Variants in SYT9 observed in about 807,000 individuals in gnomAD.
The protein encoded by SYT9 is synaptotagmin-9.
SYT9 carries 22 observed loss-of-function variants against 48.4 expected under a neutral mutation model. The ratio of observed to expected loss-of-function variants is 0.45; its 90% CI spans 0.32 to 0.65. The LOEUF (loss-of-function observed/expected upper bound fraction) is 0.65, where lower values mean the gene tolerates loss of function less well. SYT9 is among the 30% of genes least tolerant of loss of function. The probability of loss-of-function intolerance (pLI) is 0.03; values close to 1 mark genes in which losing one functional copy is unlikely to be tolerated. For missense variants in SYT9, 577 were observed against 622.0 expected, an observed-to-expected ratio of 0.93 and a Z score of 0.77; for synonymous variants, 265 against 245.0, an observed-to-expected ratio of 1.08 and a Z score of -0.76.
intron 3 of SYT9, among the ~76,000 whole-genome samples, chr11:7,321,535 A>G (rs1054831828): frequency 3.9e-5 from 6 of 152,218 alleles, no homozygotes; most frequent in African/African-American, 1.2e-4. Flanking sequence ...ATGCAACACA[A>G]GTGAGCCCCA....
In SYT9 at chr11:7,252,422, G is replaced by A. The variant is rs1381827704; in HGVS notation, c.145+91G>A. ...GGGCCTGAGGCAGAACAGCGACGCG[G>A]ACTGGGAGAGGGCGGGGGGCGGCCA... On this transcript the variant is annotated intron_variant, in intron 1 of 6. Coordinates refer to ENST00000318881, the MANE Select transcript of SYT9 (RefSeq NM_175733.4). This position sits in a 1 kb window ranked among gnomAD's most constrained non-coding sequence, Gnocchi z 6.3. The A allele has an allele frequency of 1.5e-6, 2 of 1,305,924 alleles. No homozygotes were observed. Among genetic ancestry groups the A allele is most frequent in the East Asian group, 6.3e-5 (2 of 31,904 alleles). The allele number at this position is 1,305,924 out of a possible 1,614,324, so 80.9% of individuals were successfully genotyped here. A position where few individuals can be genotyped will look rare whatever the true frequency, so the allele number is the denominator to read the frequency against.
chr11:7,294,733 A>G (rs1564850923), intron 1 of SYT9, among the ~76,000 whole-genome samples: 1 of 152,202 alleles, frequency 6.6e-6, no homozygotes, highest in Non-Finnish European at 1.5e-5. Flanking sequence ...GCTTTGCCAC[A>G]TGGCCCACAC....
intron 1 of SYT9, among the ~76,000 whole-genome samples, chr11:7,243,628 C>T (rs758083038): frequency 5.9e-5 from 9 of 152,210 alleles, no homozygotes; most frequent in Non-Finnish European, 1.2e-4. Context: ...TAAAAGTGCA[C>T]ATTTACTTCC....
At chr11:7,298,780 A>C (rs1242813493) in intron 1 of SYT9, among the ~76,000 whole-genome samples, 2 of 152,020 alleles carry the variant, frequency 1.3e-5, no homozygotes, top group Non-Finnish European at 2.9e-5. Flanking sequence ...ACAATGCATC[A>C]CGTCTTATGG....
intron 6 of SYT9, chr11:7,444,201 G>A (rs1213610812): frequency 6.6e-6 from 1 of 152,254 alleles, no homozygotes; most frequent in Non-Finnish European, 1.5e-5. Flanking sequence ...GAGGAAGAAG[G>A]GTTTCCAGCT....
chr11:7,449,581 G>T (rs1030188356), intron 6 of SYT9, among the ~76,000 whole-genome samples: 3 of 152,126 alleles, frequency 2.0e-5, no homozygotes, highest in Non-Finnish European at 4.4e-5. Context: ...GGAAGTGGGG[G>T]CTGGTTTGGA....
chr11:7,364,289 T>C (rs1850201196), intron 3 of SYT9, among the ~76,000 whole-genome samples: 1 of 152,238 alleles, frequency 6.6e-6, no homozygotes, highest in South Asian at 2.1e-4. Context: ...TTCTGTCTAA[T>C]GATTTTTGTT....
intron 6 of SYT9, chr11:7,457,558 T>G (rs1848170299): frequency 6.6e-6 from 1 of 152,154 alleles, no homozygotes; most frequent in South Asian, 2.1e-4. Flanking sequence ...TTTTTACAAG[T>G]TTTACTTACT....
intron 2 of SYT9, among the ~76,000 whole-genome samples, chr11:7,308,912 A>T (rs945269530): frequency 3.9e-5 from 6 of 152,180 alleles, no homozygotes; most frequent in African/African-American, 1.4e-4. Context: ...GGACTAGTTA[A>T]TTCACATCTG....
chr11:7,443,850 A>G lies in SYT9; in HGVS notation c.1468-22942A>G, dbSNP rs1030500045. ...TCTGTGACGGTTGTTGAATGAATGCATGGATTTTGCATAACTATTCAGGCA... is the reference window on the plus strand; with the variant it reads ...TCTGTGACGGTTGTTGAATGAATGCGTGGATTTTGCATAACTATTCAGGCA... On this transcript the variant is annotated intron_variant, in intron 6 of 6. Coordinates refer to ENST00000318881, the MANE Select transcript of SYT9 (RefSeq NM_175733.4). 2.0e-5 allele frequency among the ~76,000 whole-genome samples: 3 copies of G among 152,344 alleles called. No homozygotes were observed. In the East Asian group the frequency reaches 5.8e-4, roughly 29 times the overall value.
chr11:7,331,784 G>GACCTTAACAAAAT (rs1849537335), intron 3 of SYT9, among the ~76,000 whole-genome samples: 1 of 152,072 alleles, frequency 6.6e-6, no homozygotes, highest in African/African-American at 2.4e-5. Context: ...TATGCACCCG[G>GACCTTAACAAAAT]AATAGATGAG....
intron 6 of SYT9, among the ~76,000 whole-genome samples, chr11:7,421,975 C>A (rs1847364872): frequency 6.6e-6 from 1 of 152,136 alleles, no homozygotes; most frequent in South Asian, 2.1e-4. Context: ...ACTGAGCCCC[C>A]GGGAACTGGA....
chr11:7,442,597 C>T (rs937668181), intron 6 of SYT9, among the ~76,000 whole-genome samples: 2 of 152,190 alleles, frequency 1.3e-5, no homozygotes, highest in African/African-American at 4.8e-5. Context: ...AAATTGGTCC[C>T]CCTCCTTTAT....
At chr11:7,383,620 G>A (rs1194931696) in intron 3 of SYT9, among the ~76,000 whole-genome samples, 1 of 152,214 alleles carries the variant, frequency 6.6e-6, no homozygotes, top group Non-Finnish European at 1.5e-5. Context: ...GTGTAATCAA[G>A]TGTAATAACA....
At chr11:7,419,081 C>T (rs186529570) in intron 5 of SYT9, among the ~76,000 whole-genome samples, 15 of 152,312 alleles carry the variant, frequency 9.8e-5, no homozygotes, top group Admixed American at 9.8e-4. Flanking sequence ...GCTCAGCTGC[C>T]CATGAGTGTG....
intron 3 of SYT9, among the ~76,000 whole-genome samples, chr11:7,363,329 T>C (rs1230411747): frequency 6.6e-6 from 1 of 152,094 alleles, no homozygotes; most frequent in African/African-American, 2.4e-5. Flanking sequence ...CAAGACCTCA[T>C]GAAAGGAAAA....
chr11:7,244,457 T>C (rs144806047), intron 1 of SYT9, among the ~76,000 whole-genome samples: 7 of 152,334 alleles, frequency 4.6e-5, no homozygotes, highest in East Asian at 1.9e-4. Flanking sequence ...TTAAAGGCTA[T>C]TGATGCCCAA....
Position 7,418,150 on chromosome 11 carries a change from T to C in SYT9, c.1337+22T>C, listed in dbSNP as rs759628686. 3 of 1,609,828 alleles carry C rather than the reference T, an allele frequency of 1.9e-6. No homozygotes were observed. The African/African-American group carries it at 4.0e-5, about 22-fold the overall frequency. ...ACCGGTGAGATACCTGGAACTCTTT[T>C]CCAGTGCAAGTTCACTGTGCCCAGG... On this transcript the variant is annotated intron_variant, in intron 5 of 6. Transcript: ENST00000318881.
rs559052405 is a variant in SYT9, at chr11:7,294,211, A to G, written c.146-8828A>G. Among the ~76,000 whole-genome samples the G allele has an allele frequency of 5.6e-4, 85 of 152,320 alleles. 1 individual carries two copies. Among genetic ancestry groups the G allele is most frequent in the African/African-American group, 2.0e-3 (83 of 41,578 alleles). On this transcript the variant is annotated intron_variant, in intron 1 of 6. Coordinates refer to ENST00000318881, the MANE Select transcript of SYT9 (RefSeq NM_175733.4). ...AAAGGCTCCACCTCCTAATACCATT[A>G]TATTGGATGTTGGGATCTCAACATA...
Sources: gnomAD v4.1 joint callset for allele counts (sites outside exome capture counted in the v4.1 genomes callset) on GRCh38, gnomAD v4.1.1 for gene constraint, Gnocchi (gnomAD v3.1) non-coding constraint, MANE v1.5 for transcripts, NCBI Gene and HGNC (gene_info 2026-07-23, HGNC 2026-07-21) for gene names.